Variants in SGO2 observed in about 807,000 individuals in gnomAD.
SGO2 encodes the protein shugoshin 2.
A neutral mutation model predicts 99.5 loss-of-function variants in SGO2; 68 were observed. The ratio of observed to expected loss-of-function variants is 0.68; its 90% CI spans 0.56 to 0.84. The LOEUF (loss-of-function observed/expected upper bound fraction) is 0.84, where lower values mean the gene tolerates loss of function less well. SGO2 is among the 40% of genes least tolerant of loss of function. The pLI is 0.00. For missense variants in SGO2, 1,350 were observed against 1,436.7 expected, an observed-to-expected ratio of 0.94 and a Z score of 0.97; for synonymous variants, 457 against 487.1, an observed-to-expected ratio of 0.94 and a Z score of 0.81.
intron 8 of SGO2, among the ~76,000 whole-genome samples, chr2:200,581,518 G>C (rs897775253): frequency 6.6e-5 from 10 of 152,026 alleles, no homozygotes; most frequent in African/African-American, 2.4e-4. Context: ...AAGATATAAA[G>C]ACTTTAAAAA....
At chr2:200,569,457 G>A (rs1005688620) in intron 5 of SGO2, among the ~76,000 whole-genome samples, 2 of 151,976 alleles carry the variant, frequency 1.3e-5, no homozygotes, top group East Asian at 1.9e-4. Context: ...TGTGACTAAG[G>A]GGTTAAGAAG....
At chr2:200,559,592 C>T (rs2032859641) in intron 5 of SGO2, among the ~76,000 whole-genome samples, 1 of 151,928 alleles carries the variant, frequency 6.6e-6, no homozygotes, top group African/African-American at 2.4e-5. Context: ...AGCTGTGTTC[C>T]ACAATTTTTA....
chr2:200,546,557 C>G (rs2032228625), intron 5 of SGO2, among the ~76,000 whole-genome samples: 1 of 151,902 alleles, frequency 6.6e-6, no homozygotes, highest in South Asian at 2.1e-4. Flanking sequence ...GATGAAGTGG[C>G]AGTTTGTGAT....
chr2:200,562,537 C>A (rs537022666), intron 5 of SGO2, among the ~76,000 whole-genome samples: 9 of 152,126 alleles, frequency 5.9e-5, no homozygotes, highest in African/African-American at 2.2e-4. Flanking sequence ...CTTGGCAATG[C>A]GGGCTCTTTT....
chr2:200,572,260 G>A lies in SGO2; in HGVS notation c.1914G>A (p.Val638=). The stretch of plus-strand genomic sequence containing the variant: ...ATGAGGATAATGATAAAGATGTGGT[G>A]CATGGCCTAAAAAAAGGTAATTTTT... The part of the protein sequence containing the change: ...HMYEDNDKDV[V]HGLKKGNFFF... Residue 638 remains valine (V), a synonymous_variant, in exon 7 of 9, where the codon GTG becomes GTA. Coordinates refer to ENST00000357799, the MANE Select transcript of SGO2 (RefSeq NM_152524.6). 1 of 1,611,558 alleles carries A rather than the reference G, an allele frequency of 6.2e-7. No individual in the cohort carries two copies. The highest frequency in any genetic ancestry group is 8.5e-7 in the Non-Finnish European group (1 of 1,179,264).
intron 2 of SGO2, 41 bp downstream of exon 2, chr2:200,533,149 T>C (rs760582335): frequency 6.6e-6 from 10 of 1,509,194 alleles, no homozygotes; most frequent in Non-Finnish European, 8.8e-6. Flanking sequence ...CGTTTTAACT[T>C]TTCCCCAGAA....
intron 1 of SGO2, chr2:200,532,272 G>GTTTTTTTTTTTTTTTTTTT (rs58961852): frequency 1.6e-5 from 3 of 187,204 alleles, no homozygotes; most frequent in Non-Finnish European, 1.7e-5. Context: ...AGAGTTTTTT[G>GTTTTTTTTTTTTTTTTTTT]TTTTTTTTTT....
intron 7 of SGO2, 142 bp downstream of exon 7, chr2:200,574,119 A>G (rs2033566336): frequency 9.2e-6 from 5 of 542,472 alleles, no homozygotes; most frequent in Admixed American, 3.9e-5. Flanking sequence ...TACATGATCC[A>G]TAGAAATAGC....
Position 200,570,989 on chromosome 2 carries a change from T to C in SGO2, c.704-61T>C, listed in dbSNP as rs1002289637. On this transcript the variant is annotated intron_variant, in intron 6 of 8. Coordinates refer to ENST00000357799, the MANE Select transcript of SGO2 (RefSeq NM_152524.6). This position sits in a 1 kb window ranked among gnomAD's most constrained non-coding sequence, Gnocchi z 4.4. ...ACAGCTTGATTTCGAATCTAATTTG[T>C]TTAAGGTAACTTATTTATTTCATTA... 6.9e-7 allele frequency: 1 copy of C among 1,451,340 alleles called. No homozygotes were observed. The highest frequency in any genetic ancestry group is 1.4e-5 in the African/African-American group (1 of 70,018). The allele number at this position is 1,451,340 out of a possible 1,614,324, so 89.9% of individuals were successfully genotyped here. A position where few individuals can be genotyped will look rare whatever the true frequency, so the allele number is the denominator to read the frequency against.
chr2:200,536,602 T>A (rs10497850), intron 4 of SGO2, among the ~76,000 whole-genome samples: 33,306 of 152,078 alleles, frequency 0.22, 3,871 homozygotes, highest in Middle Eastern at 0.3. Context: ...TTTTGGAGAA[T>A]TCAGAGGGCT....
Position 200,573,288 on chromosome 2 carries a change from A to G in SGO2, c.2942A>G (p.Lys981Arg). The change falls in exon 7 of 9, where the codon AAA (lysine) becomes AGA (arginine). Residue 981 changes from lysine (K) to arginine (R), a missense_variant. Coordinates refer to ENST00000357799, the MANE Select transcript of SGO2 (RefSeq NM_152524.6). The stretch of plus-strand genomic sequence containing the variant: ...TGTGATCAAATTTTAGATTCCTACA[A>G]AGTAGTTAAAAAACGTAAGAAAGAA... ...ESCDQILDSY[K>R]VVKKRKKESS... 6.2e-7 allele frequency: 1 copy of G among 1,606,848 alleles called. No individual in the cohort carries two copies. The highest frequency in any genetic ancestry group is 8.5e-7 in the Non-Finnish European group (1 of 1,177,988).
intron 5 of SGO2, among the ~76,000 whole-genome samples, chr2:200,564,819 CCTT>C (rs2033122337): frequency 1.3e-5 from 2 of 152,100 alleles, no homozygotes; most frequent in Admixed American, 6.5e-5. Flanking sequence ...TATGTAATGG[CCTT>C]CTTTGTCTCT....
At chr2:200,539,259 A>G (rs549564098) in intron 4 of SGO2, among the ~76,000 whole-genome samples, 177 of 152,084 alleles carry the variant, frequency 1.2e-3, no homozygotes, top group Middle Eastern at 3.4e-3. Context: ...TTTTCCTTAG[A>G]AAGTTATCTG....
chr2:200,566,985 A>G (rs2033215450), intron 5 of SGO2, among the ~76,000 whole-genome samples: 1 of 152,190 alleles, frequency 6.6e-6, no homozygotes, highest in Non-Finnish European at 1.5e-5. Context: ...TCCCTTGGCT[A>G]GGAAAGGGAA....
chr2:200,570,478 A>ATGTGTGTGTGTGTG lies in SGO2; in HGVS notation c.704-553_704-540dup, dbSNP rs71022323. Reference sequence around the variant, plus strand: ...TTAGAATTGTTTTTCCTTTCTGAAAATGTGTGTGTGTGTGTGTGTGTGTGT... The same window carrying ATGTGTGTGTGTGTG: ...TTAGAATTGTTTTTCCTTTCTGAAAATGTGTGTGTGTGTGTGTGTGTGTGTGTGTGTGTGTGTGT... On this transcript the variant is annotated intron_variant, in intron 6 of 8. Coordinates refer to ENST00000357799, the MANE Select transcript of SGO2 (RefSeq NM_152524.6). This position sits in a 1 kb window ranked among gnomAD's most constrained non-coding sequence, Gnocchi z 4.4. Among the ~76,000 whole-genome samples the ATGTGTGTGTGTGTG allele has an allele frequency of 3.1e-3, 446 of 142,826 alleles. 5 individuals are homozygous for ATGTGTGTGTGTGTG. Among genetic ancestry groups the ATGTGTGTGTGTGTG allele is most frequent in the African/African-American group, 0.011 (409 of 38,608 alleles). The allele number at this position is 142,826 out of a possible 152,430, so 93.7% of individuals were successfully genotyped here. A position where few individuals can be genotyped will look rare whatever the true frequency, so the allele number is the denominator to read the frequency against.
At chr2:200,574,506 C>T (rs1347096341) in intron 7 of SGO2, among the ~76,000 whole-genome samples, 2 of 152,044 alleles carry the variant, frequency 1.3e-5, no homozygotes, top group African/African-American at 4.8e-5. Context: ...ATAAACGATT[C>T]TTTAAGCACA....
intron 4 of SGO2, 117 bp downstream of exon 4, chr2:200,536,259 T>A: frequency 1.8e-6 from 1 of 553,106 alleles, no homozygotes; most frequent in Non-Finnish European, 3.2e-6. Flanking sequence ...AAAGGACTGA[T>A]GATAATATCA....
chr2:200,541,765 T>C (rs1364625862), intron 4 of SGO2, among the ~76,000 whole-genome samples: 2 of 152,192 alleles, frequency 1.3e-5, no homozygotes, highest in African/African-American at 2.4e-5. Flanking sequence ...AAGAGAGTTG[T>C]CTTATTATAG....
chr2:200,535,826 ATG>A (rs199684122), intron 3 of SGO2, among the ~76,000 whole-genome samples: 1 of 151,336 alleles, frequency 6.6e-6, no homozygotes, highest in Non-Finnish European at 1.5e-5. Context: ...TATTCAACAT[ATG>A]TGTGTGTGTG....
Sources: gnomAD v4.1 joint callset for allele counts (sites outside exome capture counted in the v4.1 genomes callset) on GRCh38, gnomAD v4.1.1 for gene constraint, Gnocchi (gnomAD v3.1) non-coding constraint, MANE v1.5 for transcripts, NCBI Gene and HGNC (gene_info 2026-07-23, HGNC 2026-07-21) for gene names.